Variants in SLCO3A1 observed in about 807,000 individuals in gnomAD.
SLCO3A1 encodes the protein solute carrier organic anion transporter family member 3A1.
Under a neutral mutation model 63.1 loss-of-function variants are expected in SLCO3A1, and 27 were observed. That is an observed-to-expected ratio of 0.43 (90% CI 0.32 to 0.59). The LOEUF is 0.59. SLCO3A1 is among the 20% of genes least tolerant of loss of function. The probability of loss-of-function intolerance (pLI) is 0.09; values close to 1 mark genes in which losing one functional copy is unlikely to be tolerated. For missense variants in SLCO3A1, 773 were observed against 945.8 expected (o/e 0.82, Z 2.40); for synonymous variants, 473 against 409.9 (o/e 1.15, Z -1.86).
intron 2 of SLCO3A1, among the ~76,000 whole-genome samples, chr15:92,080,874 C>A (rs1213370602): frequency 6.6e-6 from 1 of 151,192 alleles, no homozygotes; most frequent in Non-Finnish European, 1.5e-5. Flanking sequence ...AGCCCATGTG[C>A]CCAGATGCAT....
intron 2 of SLCO3A1, among the ~76,000 whole-genome samples, chr15:92,031,221 A>G (rs1435820106): frequency 6.6e-6 from 1 of 152,224 alleles, no homozygotes; most frequent in Non-Finnish European, 1.5e-5. Context: ...ATGAGAAAAA[A>G]AATAAAGGAG....
At chr15:92,064,088 C>T (rs1316197450) in intron 2 of SLCO3A1, among the ~76,000 whole-genome samples, 2 of 152,120 alleles carry the variant, frequency 1.3e-5, no homozygotes, top group Non-Finnish European at 2.9e-5. Context: ...CTGTTCAAGC[C>T]ATGAGCCTAA....
intron 2 of SLCO3A1, among the ~76,000 whole-genome samples, chr15:91,936,608 T>C (rs918982097): frequency 6.6e-6 from 1 of 152,214 alleles, no homozygotes; most frequent in East Asian, 1.9e-4. Flanking sequence ...TAGAAAAGAA[T>C]GCATGTCGTG....
intron 2 of SLCO3A1, among the ~76,000 whole-genome samples, chr15:91,977,416 C>T (rs999774075): frequency 6.6e-6 from 1 of 152,086 alleles, no homozygotes; most frequent in Non-Finnish European, 1.5e-5. Context: ...CTCCTGGCAG[C>T]TGCAGAGAAA....
chr15:91,855,653 G>T lies in SLCO3A1; in HGVS notation c.180+1565G>T, dbSNP rs529623975. Among the ~76,000 whole-genome samples, 4 of 152,244 alleles carry T rather than the reference G, an allele frequency of 2.6e-5. No individual in the cohort carries two copies. In the South Asian group the frequency reaches 6.2e-4, roughly 24 times the overall value. On this transcript the variant is annotated intron_variant, in intron 1 of 9. Coordinates refer to ENST00000318445, the MANE Select transcript of SLCO3A1 (RefSeq NM_013272.4). Reference sequence around the variant, plus strand: ...GGGATAGGGGATAATTGTGTTTTGGGAGTCAGTTTATCGGCACTTCCTTAG... The same window carrying T: ...GGGATAGGGGATAATTGTGTTTTGGTAGTCAGTTTATCGGCACTTCCTTAG...
chr15:91,889,274 C>T (rs1897810400), intron 1 of SLCO3A1: 1 of 643,266 alleles, frequency 1.6e-6, no homozygotes, highest in East Asian at 6.6e-5. Context: ...GCATTTGCAA[C>T]ACTTTATGGG....
chr15:92,096,839 G>T (rs2047544603), intron 3 of SLCO3A1, among the ~76,000 whole-genome samples: 1 of 152,204 alleles, frequency 6.6e-6, no homozygotes, highest in Admixed American at 6.5e-5. Flanking sequence ...TTAAAGTGCT[G>T]AGTCTGTTCC....
chr15:92,135,477 C>G (rs2048046024), intron 7 of SLCO3A1, among the ~76,000 whole-genome samples: 2 of 152,210 alleles, frequency 1.3e-5, no homozygotes, highest in South Asian at 4.1e-4. Flanking sequence ...GATCGTATTT[C>G]TTCTTGCAGT....
intron 2 of SLCO3A1, among the ~76,000 whole-genome samples, chr15:92,026,940 A>G: frequency 6.6e-6 from 1 of 152,092 alleles, no homozygotes; most frequent in Non-Finnish European, 1.5e-5. Flanking sequence ...AATACAATAA[A>G]CTAGCTTGGT....
At chr15:91,915,865 C>T in intron 1 of SLCO3A1, 128 bp from the exon 2 acceptor site, 1 of 740,704 alleles carries the variant, frequency 1.4e-6, no homozygotes, top group South Asian at 1.6e-5. Flanking sequence ...TGCCTTTTTG[C>T]ACCTGGCACC....
intron 2 of SLCO3A1, among the ~76,000 whole-genome samples, chr15:91,932,260 A>C (rs1826385428): frequency 6.6e-6 from 1 of 152,124 alleles, no homozygotes; most frequent in Non-Finnish European, 1.5e-5. Context: ...TCATAGAATA[A>C]TTGATTTTTT....
At chr15:92,107,902 T>G (rs928825462) in intron 4 of SLCO3A1, among the ~76,000 whole-genome samples, 14 of 152,252 alleles carry the variant, frequency 9.2e-5, no homozygotes, top group Non-Finnish European at 2.1e-4. Flanking sequence ...CTCTCAGCTT[T>G]CACATATGGT....
chr15:92,161,228 A>T (rs1424790588), intron 9 of SLCO3A1, among the ~76,000 whole-genome samples: 2 of 152,164 alleles, frequency 1.3e-5, no homozygotes, highest in Non-Finnish European at 2.9e-5. Flanking sequence ...AATTTGCATT[A>T]GTGACTCATC....
chr15:91,946,921 C>G (rs771740324), intron 2 of SLCO3A1, among the ~76,000 whole-genome samples: 2 of 152,182 alleles, frequency 1.3e-5, no homozygotes, highest in Non-Finnish European at 2.9e-5. Context: ...ACCTGCCGTG[C>G]GTGCTGCTGG....
chr15:91,874,267 G>A (rs1168519270), intron 1 of SLCO3A1, among the ~76,000 whole-genome samples: 2 of 152,106 alleles, frequency 1.3e-5, no homozygotes, highest in African/African-American at 4.8e-5. Flanking sequence ...TTGACCTCAG[G>A]TAACTGAAAA....
chr15:92,138,339 T>C (rs1331880442), intron 7 of SLCO3A1, among the ~76,000 whole-genome samples: 2 of 88,424 alleles, frequency 2.3e-5, no homozygotes, highest in Non-Finnish European at 4.1e-5. Context: ...TCTATATCTC[T>C]GTTTTGGTAC....
chr15:92,040,596 G>A (rs1218199471), intron 2 of SLCO3A1, among the ~76,000 whole-genome samples: 1 of 152,120 alleles, frequency 6.6e-6, no homozygotes, highest in African/African-American at 2.4e-5. Flanking sequence ...CCATGACACT[G>A]GTACCTTCCT....
intron 5 of SLCO3A1, among the ~76,000 whole-genome samples, chr15:92,123,847 G>A (rs1396452092): frequency 6.6e-6 from 1 of 152,200 alleles, no homozygotes; most frequent in African/African-American, 2.4e-5. Context: ...CAAATCAATA[G>A]TCTTCAGGGC....
chr15:91,858,211 A>G (rs1337026908), intron 1 of SLCO3A1, among the ~76,000 whole-genome samples: 2 of 152,180 alleles, frequency 1.3e-5, no homozygotes, highest in Admixed American at 6.5e-5. Context: ...GACATTTTCA[A>G]CAGAGAGAGA....
Sources: allele counts gnomAD v4.1 joint callset (sites outside exome capture counted in the v4.1 genomes callset), GRCh38; gene constraint gnomAD v4.1.1; transcripts MANE v1.5; gene names NCBI Gene and HGNC (gene_info 2026-07-23, HGNC 2026-07-21).